The following AKAP6 variants were observed in gnomAD, a reference collection of about 807,000 sequenced individuals.
AKAP6 encodes A-kinase anchoring protein 6.
In AKAP6, 58 loss-of-function variants were observed where a neutral mutation model predicts 188.5. The observed-to-expected ratio is 0.31, with a 90% confidence interval of 0.25 to 0.38. The LOEUF is 0.38. Ranked by LOEUF, AKAP6 falls within the 10% of genes least tolerant of loss-of-function variation. The probability of loss-of-function intolerance (pLI) is 1.00; values close to 1 mark genes in which losing one functional copy is unlikely to be tolerated. For synonymous variants in AKAP6, 989 were observed against 998.6 expected (o/e 0.99, Z 0.18); for missense variants, 2,710 against 2,740.0 (o/e 0.99, Z 0.24).
At chr14:32,607,637 G>A (rs1190714279) in intron 7 of AKAP6, among the ~76,000 whole-genome samples, 1 of 152,162 alleles carries the variant, frequency 6.6e-6, no homozygotes, top group Non-Finnish European at 1.5e-5. Context: ...CTTGTCTAAT[G>A]TATTTTGGGC....
At chr14:32,456,632 T>C (rs1003534522) in intron 2 of AKAP6, among the ~76,000 whole-genome samples, 1 of 152,178 alleles carries the variant, frequency 6.6e-6, no homozygotes, top group African/African-American at 2.4e-5. Context: ...TCGATAATGG[T>C]TTGTCAAATG....
intron 7 of AKAP6, among the ~76,000 whole-genome samples, chr14:32,675,685 A>G (rs1889395508): frequency 6.6e-6 from 1 of 152,208 alleles, no homozygotes; most frequent in Non-Finnish European, 1.5e-5. Context: ...GACCTGGGCC[A>G]TCTAATTCAT....
intron 7 of AKAP6, among the ~76,000 whole-genome samples, chr14:32,674,090 GTTCCAGTGAAAGGGAACAATA>G: frequency 6.6e-6 from 1 of 152,304 alleles, no homozygotes; most frequent in South Asian, 2.1e-4. Flanking sequence ...GCAAGACAAT[GTTCCAGTGAAAGGGAACAATA>G]CGTGCAAAGG....
chr14:32,555,749 C>T (rs1307765391), intron 4 of AKAP6, among the ~76,000 whole-genome samples: 2 of 152,102 alleles, frequency 1.3e-5, no homozygotes, highest in Non-Finnish European at 2.9e-5. Context: ...AAGGTTCATC[C>T]ATGTTGTAGC....
At position 32,546,630 on chromosome 14, in the gene AKAP6, A is replaced by T. The variant is rs747745569; in HGVS notation, c.1977A>T (p.Arg659Ser). The change falls in exon 4 of 14, where the codon AGA (arginine) becomes AGT (serine). Residue 659 changes from arginine (R) to serine (S), a missense_variant. Physicochemically the swap from Arg to Ser is moderately radical, Grantham distance 110 (BLOSUM62 -1). Transcript: ENST00000280979. The part of the protein sequence containing the change: ...NLTKLLPQKP[R>S]GETIQNIDDW... ...CAAAGCTTCTGCCTCAGAAACCCAG[A>T]GGAGAAACCATCCAGAATATTGATG... is the stretch of plus-strand genomic sequence containing the variant. 6.2e-7 allele frequency: 1 copy of T among 1,614,074 alleles called. No individual in the cohort carries two copies. Among genetic ancestry groups the T allele is most frequent in the Non-Finnish European group, 8.5e-7 (1 of 1,180,032 alleles).
At position 32,531,250 on chromosome 14, in the gene AKAP6, A is replaced by G. The variant is rs192301268; in HGVS notation, c.325-4304A>G. 9.9e-4 allele frequency among the ~76,000 whole-genome samples: 151 copies of G among 152,286 alleles called. 2 individuals carry two copies. Among genetic ancestry groups the G allele is most frequent in the Non-Finnish European group, 5.6e-4 (38 of 68,032 alleles). On this transcript the variant is annotated intron_variant, in intron 2 of 13. Coordinates refer to ENST00000280979, the MANE Select transcript of AKAP6 (RefSeq NM_004274.5). ...TGCAACTTTTAAGATATTGTTAACC[A>G]TTGTCATTTGTGTTAACTCACTTTG...
chr14:32,358,755 A>T (rs1335583052), intron 1 of AKAP6, among the ~76,000 whole-genome samples: 2 of 152,124 alleles, frequency 1.3e-5, no homozygotes, highest in East Asian at 1.9e-4. Context: ...AAACGATGAG[A>T]TGTAAGTCAG....
intron 2 of AKAP6, among the ~76,000 whole-genome samples, chr14:32,493,932 G>T (rs1441177022): frequency 1.3e-5 from 2 of 152,096 alleles, no homozygotes; most frequent in East Asian, 3.9e-4. Flanking sequence ...CACTGAGGAG[G>T]GGTCATTAAG....
intron 2 of AKAP6, among the ~76,000 whole-genome samples, chr14:32,498,567 G>A (rs1880444373): frequency 1.3e-5 from 2 of 152,040 alleles, no homozygotes; most frequent in South Asian, 4.1e-4. Context: ...ACTATTTTAT[G>A]TAGCAAATAT....
chr14:32,439,413 G>T (rs1334521630), intron 2 of AKAP6, among the ~76,000 whole-genome samples: 15 of 152,294 alleles, frequency 9.8e-5, no homozygotes. Context: ...ATGGTGAGTT[G>T]TGGTACAGTA....
At chr14:32,725,005 A>AAAAAAAAAAAC (rs2030782819) in intron 9 of AKAP6, among the ~76,000 whole-genome samples, 1 of 149,438 alleles carries the variant, frequency 6.7e-6, no homozygotes, top group Non-Finnish European at 1.5e-5. Context: ...AAAAAAAAAA[A>AAAAAAAAAAAC]AAAAAAAAAA....
At chr14:32,791,097 A>G (rs1385603715) in intron 12 of AKAP6, among the ~76,000 whole-genome samples, 1 of 152,006 alleles carries the variant, frequency 6.6e-6, no homozygotes, top group Non-Finnish European at 1.5e-5. Flanking sequence ...TTGTGTCTTT[A>G]TAGTAGAATG....
At position 32,723,855 on chromosome 14, in the gene AKAP6, G is replaced by A. The variant is rs145161762; in HGVS notation, c.3001-8599G>A. 2.8e-4 allele frequency among the ~76,000 whole-genome samples: 42 copies of A among 152,270 alleles called. 1 individual carries two copies. The South Asian group carries it at 3.5e-3, about 13-fold the overall frequency. On this transcript the variant is annotated intron_variant, in intron 9 of 13. Transcript: ENST00000280979. ...AGCAATAGTTAGAATATGAAAGAGA[G>A]AAGAGGATTTATCCTTGCCCTACTC...
At chr14:32,677,326 T>C (rs958036987) in intron 7 of AKAP6, among the ~76,000 whole-genome samples, 2 of 152,220 alleles carry the variant, frequency 1.3e-5, no homozygotes, top group African/African-American at 2.4e-5. Flanking sequence ...TTACGTGTTA[T>C]GGAATTCTGG....
In AKAP6 at chr14:32,833,042, CAAT is replaced by C. The variant is rs942760320; in HGVS notation, c.*3240_*3242del. The C allele has an allele frequency of 1.3e-5, 2 of 152,432 alleles. No homozygotes were observed. Among genetic ancestry groups the C allele is most frequent in the African/African-American group, 4.8e-5 (2 of 41,444 alleles). The allele number at this position is 152,432 out of a possible 1,614,324, so 9.4% of individuals were successfully genotyped here. On this transcript the variant is annotated 3_prime_UTR_variant, in exon 14 of 14. Transcript: ENST00000280979. ...TTATTCTATTATTGTAAATTTCAAA[CAAT>C]AAATAAATAAGAATCCATGACTTCC...
chr14:32,669,603 A>G (rs1358137567), intron 7 of AKAP6, among the ~76,000 whole-genome samples: 1 of 152,214 alleles, frequency 6.6e-6, no homozygotes, highest in African/African-American at 2.4e-5. Flanking sequence ...ACAAAAGAGT[A>G]GATATTTCCA....
intron 5 of AKAP6, among the ~76,000 whole-genome samples, chr14:32,588,344 G>A (rs959416307): frequency 4.6e-5 from 7 of 152,144 alleles, no homozygotes; most frequent in Admixed American, 6.5e-5. Flanking sequence ...ATGATGATGG[G>A]CATTCAAACT....
At chr14:32,728,957 C>A (rs2031029866) in intron 9 of AKAP6, among the ~76,000 whole-genome samples, 1 of 152,044 alleles carries the variant, frequency 6.6e-6, no homozygotes, top group Non-Finnish European at 1.5e-5. Flanking sequence ...TTTTGATGAT[C>A]CCTCTATTTC....
intron 3 of AKAP6, 84 bp from the exon 4 acceptor site, chr14:32,545,146 C>T (rs185826320): frequency 1.5e-6 from 2 of 1,329,684 alleles, no homozygotes; most frequent in African/African-American, 1.4e-5. Context: ...TTTATAGTGC[C>T]CTGTACTGCA....
Sources: allele counts gnomAD v4.1 joint callset (sites outside exome capture counted in the v4.1 genomes callset), GRCh38; gene constraint gnomAD v4.1.1; transcripts MANE v1.5; gene names NCBI Gene and HGNC (gene_info 2026-07-23, HGNC 2026-07-21).